Variants in NCOA2 observed in about 807,000 individuals in gnomAD.
The protein encoded by NCOA2 is class E basic helix-loop-helix protein 75.
Under a neutral mutation model 145.1 loss-of-function variants are expected in NCOA2, and 21 were observed. That is an observed-to-expected ratio of 0.14 (90% CI 0.10 to 0.21). NCOA2 has a LOEUF of 0.21. NCOA2 is among the 10% of genes least tolerant of loss of function. The pLI is 1.00. For missense variants in NCOA2, 1,472 were observed against 1,837.6 expected (o/e 0.80, Z 3.64); for synonymous variants, 619 against 637.5 (o/e 0.97, Z 0.44).
chr8:70,437,471 C>T, the NCOA2 span, among the ~76,000 whole-genome samples: 1 of 152,182 alleles, frequency 6.6e-6, no homozygotes, highest in Admixed American at 6.5e-5. Flanking sequence ...CCAAGGAAAG[C>T]ACAGAGGTGT....
chr8:70,402,648 G>A (rs1048294049), intron 1 of NCOA2: 3 of 151,866 alleles, frequency 2.0e-5, no homozygotes, highest in Non-Finnish European at 2.9e-5. Context: ...TGACCGTCGC[G>A]AGGCGGCCAC....
intron 1 of NCOA2, among the ~76,000 whole-genome samples, chr8:70,366,978 C>G (rs1008050114): frequency 1.6e-4 from 24 of 152,254 alleles, no homozygotes; most frequent in African/African-American, 5.8e-4. Context: ...ATAATAGTGG[C>G]CAATGAGGAT....
In NCOA2 at chr8:70,224,271, C is replaced by T. The variant is rs889857608; in HGVS notation, c.-19-7507G>A. On this transcript the variant is annotated intron_variant, in intron 2 of 22. Coordinates refer to ENST00000452400, the MANE Select transcript of NCOA2 (RefSeq NM_006540.4). Reference sequence around the variant, plus strand: ...CCAACTAGAAATTTTATCTGGCATACCAAGAATGCTCAGTTTCACTTAAAA... The same window carrying T: ...CCAACTAGAAATTTTATCTGGCATATCAAGAATGCTCAGTTTCACTTAAAA... Among the ~76,000 whole-genome samples the T allele has an allele frequency of 3.9e-5, 6 of 152,138 alleles. No homozygotes were observed. In the South Asian group the frequency reaches 1.2e-3, roughly 31 times the overall value.
chr8:70,373,934 A>T (rs1811440484), intron 1 of NCOA2, among the ~76,000 whole-genome samples: 1 of 152,202 alleles, frequency 6.6e-6, no homozygotes, highest in South Asian at 2.1e-4. Flanking sequence ...GAAATTAGAG[A>T]GTGTAAAAGT....
At chr8:70,250,728 ACACACTATGAC>A (rs1246126805) in intron 2 of NCOA2, among the ~76,000 whole-genome samples, 1 of 152,202 alleles carries the variant, frequency 6.6e-6, no homozygotes, top group African/African-American at 2.4e-5. Flanking sequence ...TTTCTTCTTT[ACACACTATGAC>A]CACATATTTA....
intron 2 of NCOA2, among the ~76,000 whole-genome samples, chr8:70,225,678 A>C (rs1279766155): frequency 6.6e-6 from 1 of 152,210 alleles, no homozygotes; most frequent in Non-Finnish European, 1.5e-5. Context: ...TAGCCAGCAA[A>C]GTCCTCTCAG....
At position 70,111,555 on chromosome 8, in the gene NCOA2, C is replaced by T. The variant is rs893110467; in HGVS notation, c.*2077G>A. On this transcript the variant is annotated 3_prime_UTR_variant, in exon 23 of 23. Coordinates refer to ENST00000452400, the MANE Select transcript of NCOA2 (RefSeq NM_006540.4). Reference sequence around the variant, plus strand: ...TTGAGGGGATATATGAACTGGTGGCCACTGAGAAGTGTTGTTCCTTGGCCA... The same window carrying T: ...TTGAGGGGATATATGAACTGGTGGCTACTGAGAAGTGTTGTTCCTTGGCCA... The T allele has an allele frequency of 4.6e-6, 1 of 216,542 alleles. No homozygotes were observed. Among genetic ancestry groups the T allele is most frequent in the Non-Finnish European group, 9.3e-6 (1 of 107,724 alleles). 13.4% of individuals were successfully genotyped at this position (216,542 alleles called of 1,614,324 possible).
At chr8:70,263,842 T>C (rs1044510336) in intron 2 of NCOA2, among the ~76,000 whole-genome samples, 1 of 152,152 alleles carries the variant, frequency 6.6e-6, no homozygotes, top group African/African-American at 2.4e-5. Context: ...ATCTCAACAG[T>C]AATCAGAAAA....
At chr8:70,417,663 T>G in the NCOA2 span, among the ~76,000 whole-genome samples, 1 of 152,200 alleles carries the variant, frequency 6.6e-6, no homozygotes, top group Non-Finnish European at 1.5e-5. Context: ...CGTGGTTTTT[T>G]ACCCGGTCAG....
At chr8:70,436,047 T>G in the NCOA2 span, among the ~76,000 whole-genome samples, 2 of 152,198 alleles carry the variant, frequency 1.3e-5, no homozygotes, top group Non-Finnish European at 2.9e-5. Context: ...CATATAAGTT[T>G]TATTCAACTG....
intron 1 of NCOA2, among the ~76,000 whole-genome samples, chr8:70,394,604 ATT>A (rs1219513864): frequency 6.6e-6 from 1 of 152,236 alleles, no homozygotes; most frequent in Non-Finnish European, 1.5e-5. Flanking sequence ...TTGAAAATAT[ATT>A]GAGAAACTCC....
At chr8:70,344,233 C>T (rs551389400) in intron 1 of NCOA2, among the ~76,000 whole-genome samples, 3 of 152,316 alleles carry the variant, frequency 2.0e-5, no homozygotes, top group South Asian at 4.1e-4. Context: ...GTGCCTCCCA[C>T]TGAATGAGGT....
At chr8:70,427,775 C>T in the NCOA2 span, among the ~76,000 whole-genome samples, 12 of 152,036 alleles carry the variant, frequency 7.9e-5, no homozygotes, top group Non-Finnish European at 1.8e-4. Context: ...TCTGTGGTCC[C>T]CAAATTTATG....
At chr8:70,175,627 T>G (rs893457033) in intron 4 of NCOA2, among the ~76,000 whole-genome samples, 19 of 152,352 alleles carry the variant, frequency 1.2e-4, no homozygotes, top group African/African-American at 4.6e-4. Context: ...AAGAAAAAGA[T>G]GCACACTTAT....
At chr8:70,395,252 A>AG (rs1813548179) in intron 1 of NCOA2, among the ~76,000 whole-genome samples, 1 of 152,196 alleles carries the variant, frequency 6.6e-6, no homozygotes, top group African/African-American at 2.4e-5. Context: ...ATTATTTATC[A>AG]TTCCACCCTG....
At chr8:70,411,105 G>A in the NCOA2 span, among the ~76,000 whole-genome samples, 5 of 152,194 alleles carry the variant, frequency 3.3e-5, no homozygotes, top group South Asian at 6.2e-4. Flanking sequence ...TTAAAAAACC[G>A]GGTAAGAGGG....
intron 1 of NCOA2, among the ~76,000 whole-genome samples, chr8:70,337,186 C>T (rs1807676657): frequency 6.7e-6 from 1 of 148,392 alleles, no homozygotes; most frequent in Non-Finnish European, 1.5e-5. Flanking sequence ...TTAGCCTACC[C>T]AGCACTGCTG....
intron 4 of NCOA2, among the ~76,000 whole-genome samples, chr8:70,209,504 T>C (rs1272005736): frequency 6.6e-6 from 1 of 152,210 alleles, no homozygotes; most frequent in Non-Finnish European, 1.5e-5. Context: ...AAATCTTTCA[T>C]GAAAGTAAGA....
At chr8:70,356,520 G>T (rs1809711539) in intron 1 of NCOA2, among the ~76,000 whole-genome samples, 2 of 152,070 alleles carry the variant, frequency 1.3e-5, no homozygotes, top group South Asian at 4.1e-4. Context: ...GAGAATAAAG[G>T]CTAGAAAGTT....
Sources: allele counts gnomAD v4.1 joint callset (sites outside exome capture counted in the v4.1 genomes callset), GRCh38; gene constraint gnomAD v4.1.1; transcripts MANE v1.5; gene names NCBI Gene and HGNC (gene_info 2026-07-23, HGNC 2026-07-21).